PCDH11X: variants seen among roughly 807,000 people sequenced by gnomAD.
The protein encoded by PCDH11X is protocadherin 11 X-linked, also known as protocadherin-11 X-linked.
A neutral mutation model predicts 53.3 loss-of-function variants in PCDH11X; 18 were observed. That is an observed-to-expected ratio of 0.34 (90% CI 0.23 to 0.50). PCDH11X has a LOEUF of 0.50. Ranked by LOEUF, PCDH11X falls within the 20% of genes least tolerant of loss-of-function variation. PCDH11X has a pLI of 0.98. For missense variants in PCDH11X, 570 were observed against 1,032.4 expected (o/e 0.55, Z 6.14); for synonymous variants, 279 against 393.3 (o/e 0.71, Z 3.44).
At chrX:92,208,193 TAAAAAAAAA>T (rs66614821) in intron 7 of PCDH11X, among the ~76,000 whole-genome samples, 89 of 85,298 alleles carry the variant, frequency 1.0e-3, no homozygotes, top group African/African-American at 3.6e-3. Context: ...AGACTCCATC[TAAAAAAAAA>T]AAAAAAAAAA....
In PCDH11X at chrX:92,621,790, AT is replaced by A. The variant is rs1928524490; in HGVS notation, c.*2851del. The A allele has an allele frequency of 8.9e-6, 1 of 111,865 alleles. No individual in the cohort carries two copies. Among genetic ancestry groups the A allele is most frequent in the African/African-American group, 3.3e-5 (1 of 30,756 alleles). 9.2% of individuals were successfully genotyped at this position (111,865 alleles called of 1,213,427 possible). The stretch of plus-strand genomic sequence containing the variant: ...GTCTTACTGAACCAACAATCAAAAA[AT>A]GGTTCTGTTTTAAAAAGGATTTTGT... On this transcript the variant is annotated 3_prime_UTR_variant, in exon 11 of 11. Coordinates refer to ENST00000682573, the MANE Select transcript of PCDH11X (RefSeq NM_032968.5).
At chrX:91,996,249 C>T (rs778573450) in intron 6 of PCDH11X, among the ~76,000 whole-genome samples, 2 of 101,959 alleles carry the variant, frequency 2.0e-5, no homozygotes, top group Admixed American at 1.1e-4. Context: ...CAGGTTCAAG[C>T]GATGATTCTC....
At chrX:92,441,572 CTTG>C (rs1045138672) in intron 9 of PCDH11X, among the ~76,000 whole-genome samples, 15 of 112,205 alleles carry the variant, frequency 1.3e-4, no homozygotes, top group Non-Finnish European at 2.1e-4. Context: ...GTAGCTTTCA[CTTG>C]TTGTTGAGTC....
intron 9 of PCDH11X, among the ~76,000 whole-genome samples, chrX:92,444,639 G>C (rs764052712): frequency 1.9e-5 from 2 of 104,840 alleles, no homozygotes; most frequent in South Asian, 4.4e-4. Flanking sequence ...AGTGCTTCCA[G>C]CTTTTGTCCA....
chrX:92,009,700 C>CTTTTTTTTTTTTTTTT (rs68159170), intron 6 of PCDH11X, among the ~76,000 whole-genome samples: 6 of 66,642 alleles, frequency 9.0e-5, no homozygotes, highest in African/African-American at 3.3e-4. Context: ...TGACTGTTGC[C>CTTTTTTTTTTTTTTTT]TTTTTTTTTT....
intron 6 of PCDH11X, among the ~76,000 whole-genome samples, chrX:91,989,205 A>T (rs762050417): frequency 1.4e-4 from 15 of 110,774 alleles, no homozygotes; most frequent in African/African-American, 4.6e-4. Flanking sequence ...CTTCTTAAAT[A>T]AAAAAAGCTA....
intron 9 of PCDH11X, among the ~76,000 whole-genome samples, chrX:92,419,446 G>A (rs760550037): frequency 9.4e-6 from 1 of 106,647 alleles, no homozygotes; most frequent in African/African-American, 3.4e-5. Context: ...TCCTACCTAG[G>A]TCTTTCTAGC....
intron 8 of PCDH11X, among the ~76,000 whole-genome samples, chrX:92,289,081 C>G (rs1423861462): frequency 1.8e-5 from 2 of 111,719 alleles, no homozygotes; most frequent in African/African-American, 3.2e-5. Flanking sequence ...AATAGAGTCA[C>G]AACTTCACCC....
At chrX:92,077,809 A>T (rs2063798960) in intron 6 of PCDH11X, among the ~76,000 whole-genome samples, 1 of 110,813 alleles carries the variant, frequency 9.0e-6, no homozygotes, top group African/African-American at 3.3e-5. Flanking sequence ...TCAGATCTAA[A>T]TATTTCCAGT....
At chrX:91,807,356 A>C (rs1237807819) in intron 1 of PCDH11X, among the ~76,000 whole-genome samples, 2 of 110,232 alleles carry the variant, frequency 1.8e-5, no homozygotes, top group African/African-American at 6.6e-5. Context: ...TAAAAAAATT[A>C]AAAATAAATA....
At chrX:91,996,159 T>G (rs1379595832) in intron 6 of PCDH11X, among the ~76,000 whole-genome samples, 419 of 91,144 alleles carry the variant, frequency 4.6e-3, no homozygotes, top group African/African-American at 0.017. Context: ...TTTTTTTTTT[T>G]TTTTGAGACG....
intron 7 of PCDH11X, among the ~76,000 whole-genome samples, chrX:92,226,677 G>A (rs887088082): frequency 4.5e-5 from 5 of 110,919 alleles, no homozygotes; most frequent in Non-Finnish European, 9.4e-5. Context: ...GCCCCCTTTG[G>A]AGAAGAGGGA....
chrX:92,240,189 T>C (rs776397155), intron 7 of PCDH11X, among the ~76,000 whole-genome samples: 112 of 111,525 alleles, frequency 1.0e-3, no homozygotes, highest in Non-Finnish European at 1.8e-3. Context: ...AATGCACTAG[T>C]TGTTTTCAAA....
chrX:92,505,157 T>G (rs5941090), intron 10 of PCDH11X, among the ~76,000 whole-genome samples: 2 of 80,003 alleles, frequency 2.5e-5, no homozygotes, highest in Non-Finnish European at 5.4e-5. Flanking sequence ...TTTTTCTTTT[T>G]TTTTTTTTTG....
chrX:91,920,020 G>GTACT (rs946421819), intron 6 of PCDH11X, among the ~76,000 whole-genome samples: 1 of 110,829 alleles, frequency 9.0e-6, no homozygotes, highest in African/African-American at 3.3e-5. Flanking sequence ...TACAGAGTAA[G>GTACT]TGTGAAGTAA....
chrX:92,518,480 A>G (rs2074305668), intron 10 of PCDH11X, among the ~76,000 whole-genome samples: 2 of 112,000 alleles, frequency 1.8e-5, no homozygotes, highest in Middle Eastern at 4.7e-3. Context: ...TACTTAACTG[A>G]GTCAATTTAT....
At chrX:92,179,132 C>T (rs1038713170) in intron 6 of PCDH11X, among the ~76,000 whole-genome samples, 2 of 111,744 alleles carry the variant, frequency 1.8e-5, no homozygotes, top group Non-Finnish European at 3.8e-5. Flanking sequence ...TGAACTAATC[C>T]AACCCAAAAG....
intron 8 of PCDH11X, among the ~76,000 whole-genome samples, chrX:92,329,849 G>T (rs1475647799): frequency 9.0e-6 from 1 of 111,429 alleles, no homozygotes. Context: ...TGGCTGGGGG[G>T]AAGTAAGGAT....
chrX:92,310,064 GCT>G (rs1292194312), intron 8 of PCDH11X, among the ~76,000 whole-genome samples: 11 of 111,263 alleles, frequency 9.9e-5, no homozygotes, highest in African/African-American at 2.9e-4. Context: ...GGGTTTTTTT[GCT>G]CTGTTTTTCA....
Sources: gnomAD v4.1 joint callset for allele counts (sites outside exome capture counted in the v4.1 genomes callset) on GRCh38, gnomAD v4.1.1 for gene constraint, MANE v1.5 for transcripts, NCBI Gene and HGNC (gene_info 2026-07-23, HGNC 2026-07-21) for gene names.